RERE: variants seen among roughly 807,000 people sequenced by gnomAD.
RERE encodes arginine-glutamic acid dipeptide repeats.
Under a neutral mutation model 146.1 loss-of-function variants are expected in RERE, and 40 were observed. The ratio of observed to expected loss-of-function variants is 0.27; its 90% CI spans 0.21 to 0.36. The LOEUF is 0.36. Among genes scored for constraint, RERE ranks in the 10% least tolerant of loss-of-function variants. The pLI is 1.00. For synonymous variants in RERE, 1,003 were observed against 866.0 expected (o/e 1.16, Z -2.78); for missense variants, 1,933 against 2,138.7 (o/e 0.90, Z 1.90).
intron 10 of RERE, among the ~76,000 whole-genome samples, chr1:8,483,321 C>T (rs940609749): frequency 1.3e-5 from 2 of 152,182 alleles, no homozygotes; most frequent in South Asian, 2.1e-4. Flanking sequence ...TTAGGGAAAA[C>T]TTATGAAAGG....
chr1:8,532,142 T>C (rs1248299639), intron 7 of RERE, among the ~76,000 whole-genome samples: 1 of 152,236 alleles, frequency 6.6e-6, no homozygotes, highest in East Asian at 1.9e-4. Context: ...TGCTAACAGA[T>C]AAATTATTAA....
At chr1:8,469,411 G>A (rs1270499518) in intron 10 of RERE, among the ~76,000 whole-genome samples, 4 of 152,136 alleles carry the variant, frequency 2.6e-5, no homozygotes, top group African/African-American at 9.7e-5. Context: ...GAAGTCAGGT[G>A]TTCAAGACCA....
intron 7 of RERE, among the ~76,000 whole-genome samples, chr1:8,516,233 A>AAAAAAAAAAAAAAAAAAAAAAAAAC (rs1645415281): frequency 6.8e-6 from 1 of 147,980 alleles, no homozygotes; most frequent in Non-Finnish European, 1.5e-5. Flanking sequence ...AGAGGAAAAA[A>AAAAAAAAAAAAAAAAAAAAAAAAAC]AAAAAAAAAA....
chr1:8,380,740 C>A, intron 12 of RERE: 1 of 414,710 alleles, frequency 2.4e-6, no homozygotes. Context: ...TGAAGGAGAA[C>A]AGAAAGGTAG....
intron 1 of RERE, among the ~76,000 whole-genome samples, chr1:8,797,557 T>C (rs769795269): frequency 1.4e-4 from 22 of 152,296 alleles, no homozygotes; most frequent in Non-Finnish European, 2.5e-4. Context: ...ATCACCCACC[T>C]AAAAAACCGA....
chr1:8,594,655 A>G (rs1455892432), intron 4 of RERE, among the ~76,000 whole-genome samples: 1 of 152,218 alleles, frequency 6.6e-6, no homozygotes, highest in Non-Finnish European at 1.5e-5. Flanking sequence ...ATGTAAATAC[A>G]ATATATTAAT....
At chr1:8,670,122 G>C (rs1638679511) in intron 1 of RERE, among the ~76,000 whole-genome samples, 1 of 152,128 alleles carries the variant, frequency 6.6e-6, no homozygotes. Context: ...TTCTAACTGG[G>C]TGTGATTCTA....
intron 7 of RERE, among the ~76,000 whole-genome samples, chr1:8,531,071 AACTTTCTATCTATCTGTCCAT>A: frequency 7.1e-6 from 1 of 140,384 alleles, no homozygotes; most frequent in South Asian, 2.2e-4. Context: ...CTATCTATCT[AACTTTCTATCTATCTGTCCAT>A]CTTTCTATCT....
At chr1:8,516,915 C>T (rs1053484764) in intron 7 of RERE, among the ~76,000 whole-genome samples, 12 of 152,100 alleles carry the variant, frequency 7.9e-5, no homozygotes, top group Non-Finnish European at 1.5e-4. Flanking sequence ...AATGGAGACA[C>T]ATTCGTGATT....
chr1:8,743,735 A>T (rs1640362671), intron 1 of RERE, among the ~76,000 whole-genome samples: 1 of 151,960 alleles, frequency 6.6e-6, no homozygotes, highest in South Asian at 2.1e-4. Flanking sequence ...CTTTACTTCT[A>T]CAGGGCTCAG....
chr1:8,638,005 A>C (rs997833693), intron 2 of RERE, among the ~76,000 whole-genome samples: 3 of 152,226 alleles, frequency 2.0e-5, no homozygotes, highest in African/African-American at 7.2e-5. Flanking sequence ...AGAACTAGTT[A>C]AACTGTGGCA....
intron 20 of RERE, 70 bp downstream of exon 20, chr1:8,358,120 GGATGGT>G: frequency 7.2e-6 from 11 of 1,521,926 alleles, no homozygotes; most frequent in Non-Finnish European, 8.8e-6. Context: ...TTCCGCTCCT[GGATGGT>G]GACTGTCACT....
chr1:8,661,825 G>C (rs1041371457), intron 1 of RERE, among the ~76,000 whole-genome samples: 1 of 152,156 alleles, frequency 6.6e-6, no homozygotes, highest in Admixed American at 6.5e-5. Flanking sequence ...CCAGGCTGGA[G>C]ATAATAATTT....
intron 12 of RERE, among the ~76,000 whole-genome samples, chr1:8,399,020 CTT>C (rs1643156400): frequency 6.6e-6 from 1 of 152,098 alleles, no homozygotes; most frequent in African/African-American, 2.4e-5. Context: ...ACTTTGCAGA[CTT>C]TTCAGATTTT....
At chr1:8,753,354 G>A (rs1267558119) in intron 1 of RERE, 2 of 151,940 alleles carry the variant, frequency 1.3e-5, no homozygotes, top group Non-Finnish European at 2.9e-5. Context: ...CTTTTCTCAA[G>A]CATTTTAAGT....
intron 1 of RERE, among the ~76,000 whole-genome samples, chr1:8,731,576 C>T (rs1350973667): frequency 6.7e-6 from 1 of 150,016 alleles, no homozygotes; most frequent in African/African-American, 2.4e-5. Flanking sequence ...TCCACCACAT[C>T]AACAGAGCTC....
At chr1:8,361,910 C>G (rs993670525) in intron 16 of RERE, 34 bp from the exon 17 acceptor site, 1 of 1,423,328 alleles carries the variant, frequency 7.0e-7, no homozygotes. Flanking sequence ...AGCAATCAGG[C>G]CAAGGGAGAC....
intron 8 of RERE, among the ~76,000 whole-genome samples, 185 bp downstream of exon 8, chr1:8,508,442 C>T (rs926072242): frequency 6.6e-6 from 1 of 152,114 alleles, no homozygotes; most frequent in Non-Finnish European, 1.5e-5. Context: ...CTGAACTTTG[C>T]ACTTAAAAAT....
chr1:8,430,902 C>T (rs1229973888), intron 11 of RERE, among the ~76,000 whole-genome samples: 2 of 152,192 alleles, frequency 1.3e-5, no homozygotes, highest in Non-Finnish European at 2.9e-5. Flanking sequence ...CAACAAAAGC[C>T]ATGCCAATGG....
Sources: gnomAD v4.1 joint callset for allele counts (sites outside exome capture counted in the v4.1 genomes callset) on GRCh38, gnomAD v4.1.1 for gene constraint, MANE v1.5 for transcripts, NCBI Gene and HGNC (gene_info 2026-07-23, HGNC 2026-07-21) for gene names.